Variants in IKZF1 observed in about 807,000 individuals in gnomAD.
IKZF1 encodes the protein IKAROS family zinc finger 1, also known as DNA-binding protein Ikaros.
A neutral mutation model predicts 51.7 loss-of-function variants in IKZF1; 10 were observed. That is an observed-to-expected ratio of 0.19 (90% CI 0.12 to 0.33). IKZF1 has a LOEUF of 0.33. Ranked by LOEUF, IKZF1 falls within the 10% of genes least tolerant of loss-of-function variation. IKZF1 has a pLI of 1.00. For missense variants in IKZF1, 484 were observed against 707.5 expected, an observed-to-expected ratio of 0.68 and a Z score of 3.58; for synonymous variants, 280 against 282.3, an observed-to-expected ratio of 0.99 and a Z score of 0.08.
At position 50,350,617 on chromosome 7, in the gene IKZF1, C is replaced by T. The variant is rs79806353; in HGVS notation, c.160+22860C>T. The stretch of plus-strand genomic sequence containing the variant: ...CACCAGTGGACTCTAACGACGACCT[C>T]ACCTCGTGCACAGATAATTCTGCCT... On this transcript the variant is annotated intron_variant, in intron 3 of 7. Coordinates refer to ENST00000331340, the MANE Select transcript of IKZF1 (RefSeq NM_006060.6). 6.0e-4 allele frequency among the ~76,000 whole-genome samples: 92 copies of T among 152,338 alleles called. 1 individual carries two copies. The East Asian group carries it at 0.017, about 27-fold the overall frequency.
At chr7:50,304,018 G>A (rs1181156480), upstream of IKZF1, 1 of 145,264 alleles carries the variant, frequency 6.9e-6, no homozygotes, top group Non-Finnish European at 1.5e-5. Context: ...GCGGCGGCGA[G>A]GGGAGGGCCC....
intron 2 of IKZF1, 62 bp from the exon 3 acceptor site, chr7:50,327,575 CG>C (rs1562748314): frequency 1.3e-6 from 2 of 1,510,314 alleles, no homozygotes; most frequent in South Asian, 1.3e-5. Context: ...AGCCAAAAGC[CG>C]GGGGAAGCCC....
intron 1 of IKZF1, among the ~76,000 whole-genome samples, chr7:50,309,591 G>T (rs1052151234): frequency 9.2e-5 from 14 of 152,070 alleles, no homozygotes; most frequent in African/African-American, 3.4e-4. Context: ...CCATTTTTGA[G>T]ATCACACACT....
At chr7:50,309,072 T>C (rs1288837628) in intron 1 of IKZF1, among the ~76,000 whole-genome samples, 1 of 152,256 alleles carries the variant, frequency 6.6e-6, no homozygotes, top group Non-Finnish European at 1.5e-5. Context: ...ATCATTATGC[T>C]CCGTCTGAAC....
rs777940854 is a variant in IKZF1 at position 50,403,800 on chromosome 7, G to C, written c.*3173G>C. The C allele has an allele frequency of 4.4e-6, 1 of 225,942 alleles. No homozygotes were observed. The highest frequency in any genetic ancestry group is 2.2e-5 in the African/African-American group (1 of 44,858). The allele number at this position is 225,942 out of a possible 1,614,324, so 14.0% of individuals were successfully genotyped here. A position where few individuals can be genotyped will look rare whatever the true frequency, so the allele number is the denominator to read the frequency against. On this transcript the variant is annotated 3_prime_UTR_variant, in exon 8 of 8. Transcript: ENST00000331340. ...TAGTTTTGTTATATGGTTCCCCACC[G>C]ACCATTTTTGTGCTTTTTTCTTGTT...
rs1267541980 is a variant in IKZF1, at chr7:50,401,671, T to G, written c.*1044T>G. ...CCTCATTTTAATTATGTACATCTGT[T>G]TGTAGCCACAAGCCTGAATTTCTCA... On this transcript the variant is annotated 3_prime_UTR_variant, in exon 8 of 8. Transcript: ENST00000331340. The G allele has an allele frequency of 4.6e-6, 1 of 218,960 alleles. No homozygotes were observed. Among genetic ancestry groups the G allele is most frequent in the African/African-American group, 2.2e-5 (1 of 44,512 alleles). The allele number at this position is 218,960 out of a possible 1,614,324, so 13.6% of individuals were successfully genotyped here.
chr7:50,382,401 G>A, intron 4 of IKZF1, 139 bp from the exon 5 acceptor site: 1 of 1,262,342 alleles, frequency 7.9e-7, no homozygotes, highest in Non-Finnish European at 1.0e-6. Flanking sequence ...GGCAGGTTTA[G>A]TCTGAAAGCC....
intron 1 of IKZF1, among the ~76,000 whole-genome samples, chr7:50,315,168 C>A (rs1183798245): frequency 6.6e-6 from 1 of 152,160 alleles, no homozygotes; most frequent in Admixed American, 6.5e-5. Flanking sequence ...CTACTTGACA[C>A]TGTTTGGTCA....
chr7:50,338,734 T>C (rs1217192002), intron 3 of IKZF1, among the ~76,000 whole-genome samples: 1 of 151,940 alleles, frequency 6.6e-6, no homozygotes, highest in Non-Finnish European at 1.5e-5. Context: ...TCTGGGGGAG[T>C]GGGCCATGCC....
chr7:50,315,515 C>A (rs1253172719), intron 1 of IKZF1, among the ~76,000 whole-genome samples: 1 of 152,010 alleles, frequency 6.6e-6, no homozygotes, highest in Non-Finnish European at 1.5e-5. Flanking sequence ...ACTGCATGCT[C>A]CAAAAAAACA....
Position 50,304,745 on chromosome 7 carries a change from C to T in IKZF1, c.-192C>T, listed in dbSNP as rs1788352204. 6.6e-6 allele frequency: 1 copy of T among 151,912 alleles called. No homozygotes were observed. The highest frequency in any genetic ancestry group is 2.4e-5 in the African/African-American group (1 of 41,400). The allele number at this position is 151,912 out of a possible 1,614,324, so 9.4% of individuals were successfully genotyped here. A position where few individuals can be genotyped will look rare whatever the true frequency, so the allele number is the denominator to read the frequency against. On this transcript the variant is annotated 5_prime_UTR_variant, in exon 1 of 8. Transcript: ENST00000331340. ...TAACAAGTGACTGCGCGGCCCGCGC[C>T]CGGGGCGGTGACTGCGGCAAGCCCC...
chr7:50,314,990 C>T (rs1418708130), intron 1 of IKZF1, among the ~76,000 whole-genome samples: 1 of 152,252 alleles, frequency 6.6e-6, no homozygotes, highest in Non-Finnish European at 1.5e-5. Flanking sequence ...CCAGGGATGC[C>T]TTTCAGGGTC....
At position 50,307,801 on chromosome 7, in the gene IKZF1, T is replaced by TCA. The variant is rs144635679; in HGVS notation, c.-15+2893_-15+2894dup. On this transcript the variant is annotated intron_variant, in intron 1 of 7. Transcript: ENST00000331340. ...CAGAGGATCAGCATTATACACACTG[T>TCA]CACACACACACACACTTAAAATTCA... is the stretch of plus-strand genomic sequence containing the variant. 4.0e-3 allele frequency among the ~76,000 whole-genome samples: 609 copies of TCA among 151,808 alleles called. 3 individuals carry two copies. The highest frequency in any genetic ancestry group is 0.014 in the Middle Eastern group (4 of 294).
intron 3 of IKZF1, among the ~76,000 whole-genome samples, chr7:50,366,676 A>G (rs1212473643): frequency 6.6e-6 from 1 of 152,214 alleles, no homozygotes; most frequent in African/African-American, 2.4e-5. Flanking sequence ...TCTATCACCC[A>G]TTGTAATGTT....
rs1169492967 is a variant in IKZF1 at position 50,400,214 on chromosome 7, C to A, written c.1147C>A (p.Pro383Thr). Residue 383 changes from proline to threonine, a missense_variant, in exon 8 of 8, where the codon CCC becomes ACC. Pro to Thr is a conservative substitution (Grantham distance 38, BLOSUM62 -1). Transcript: ENST00000331340. The surrounding 1 kb of genome is among the most constrained non-coding windows in gnomAD (Gnocchi z 5.4). ...GCTGCTCTCCAAGGCCAAGTTGGTG[C>A]CCTCGGAGCGCGAGGCGTCCCCGAG... ...LLLLSKAKLV[P>T]SEREASPSNS... The A allele has an allele frequency of 1.3e-6, 2 of 1,587,410 alleles. No individual in the cohort carries two copies. The highest frequency in any genetic ancestry group is 1.7e-6 in the Non-Finnish European group (2 of 1,167,988).
chr7:50,385,301 C>G (rs181782792), intron 5 of IKZF1, among the ~76,000 whole-genome samples: 19 of 152,324 alleles, frequency 1.2e-4, no homozygotes, highest in Admixed American at 9.8e-4. Flanking sequence ...CTGGCAAATT[C>G]AAATGTGGCC....
chr7:50,332,957 A>G (rs1436333907), intron 3 of IKZF1, among the ~76,000 whole-genome samples: 3 of 152,118 alleles, frequency 2.0e-5, no homozygotes, highest in Non-Finnish European at 4.4e-5. Flanking sequence ...TGCATCTCAC[A>G]GTGTGGTGTT....
At chr7:50,368,586 A>G (rs1807707626) in intron 3 of IKZF1, 1 of 505,602 alleles carries the variant, frequency 2.0e-6, no homozygotes, top group Non-Finnish European at 3.5e-6. Flanking sequence ...GAGCCAACGT[A>G]CTGTTCCTGC....
At position 50,376,681 on chromosome 7, in the gene IKZF1, T is replaced by G. The variant is rs1392767242; in HGVS notation, c.309T>G (p.Ala103=). ...CCCACAGGGACCAAGGCAGCTCGGC[T>G]TTGTCGGGAGTTGGAGGCATTCGAC... The part of the protein sequence containing the change: ...NGSHRDQGSS[A]LSGVGGIRLP... Residue 103 remains alanine (A), a synonymous_variant, in exon 4 of 8, where the codon GCT becomes GCG. Coordinates refer to ENST00000331340, the MANE Select transcript of IKZF1 (RefSeq NM_006060.6). This position sits in a 1 kb window ranked among gnomAD's most constrained non-coding sequence, Gnocchi z 4.5. The G allele has an allele frequency of 6.2e-7, 1 of 1,613,808 alleles. No homozygotes were observed. The highest frequency in any genetic ancestry group is 8.5e-7 in the Non-Finnish European group (1 of 1,179,892).
Sources: allele counts gnomAD v4.1 joint callset (sites outside exome capture counted in the v4.1 genomes callset), GRCh38; gene constraint gnomAD v4.1.1; non-coding constraint Gnocchi (gnomAD v3.1); transcripts MANE v1.5; gene names NCBI Gene and HGNC (gene_info 2026-07-23, HGNC 2026-07-21).